Variants in GCNT2 observed in about 807,000 individuals in gnomAD.
GCNT2 encodes the protein N-acetyllactosaminide beta-1,6-N-acetylglucosaminyl-transferase.
In GCNT2, 34 loss-of-function variants were observed where a neutral mutation model predicts 34.2. That is an observed-to-expected ratio of 1.00 (90% confidence interval 0.76 to 1.32). GCNT2 has a LOEUF of 1.32. Among genes scored for constraint, GCNT2 ranks in the 40% most tolerant of loss-of-function variants. The pLI, the probability that GCNT2 is intolerant of heterozygous loss-of-function variation, is 0.00. For missense variants in GCNT2, 584 were observed against 489.4 expected, an observed-to-expected ratio of 1.19 and a Z score of -1.82; for synonymous variants, 212 against 188.0, an observed-to-expected ratio of 1.13 and a Z score of -1.04.
At chr6:10,523,652 G>C (rs1761034296) in intron 1 of GCNT2, among the ~76,000 whole-genome samples, 1 of 151,936 alleles carries the variant, frequency 6.6e-6, no homozygotes, top group African/African-American at 2.4e-5. Flanking sequence ...GCATGGCCTG[G>C]AGATTGCTGT....
chr6:10,562,850 T>A (rs1427220393), intron 3 of GCNT2, among the ~76,000 whole-genome samples: 3 of 152,056 alleles, frequency 2.0e-5, no homozygotes, highest in Non-Finnish European at 2.9e-5. Context: ...ACAGGCCCAC[T>A]GCAGGACACC....
intron 3 of GCNT2, among the ~76,000 whole-genome samples, chr6:10,605,728 A>G (rs1046340218): frequency 1.3e-5 from 2 of 152,144 alleles, no homozygotes; most frequent in African/African-American, 4.8e-5. Flanking sequence ...CTTGGCCCTC[A>G]TTTATTCCCT....
At chr6:10,525,793 A>T (rs1761153534) in intron 1 of GCNT2, among the ~76,000 whole-genome samples, 1 of 152,206 alleles carries the variant, frequency 6.6e-6, no homozygotes, top group South Asian at 2.1e-4. Context: ...AGAGCACAAA[A>T]TACAAGTGTT....
chr6:10,591,201 C>T (rs559342269), intron 3 of GCNT2, among the ~76,000 whole-genome samples: 34 of 152,206 alleles, frequency 2.2e-4, no homozygotes, highest in Non-Finnish European at 3.8e-4. Flanking sequence ...CACCACTACT[C>T]CTACGCTGCA....
At chr6:10,553,322 T>G (rs1244369515) in intron 3 of GCNT2, among the ~76,000 whole-genome samples, 3 of 152,164 alleles carry the variant, frequency 2.0e-5, no homozygotes, top group Non-Finnish European at 4.4e-5. Flanking sequence ...TAGTGCCTCA[T>G]GCAAGGTCTT....
chr6:10,537,823 A>C (rs1761844362), intron 3 of GCNT2, among the ~76,000 whole-genome samples: 1 of 151,932 alleles, frequency 6.6e-6, no homozygotes, highest in African/African-American at 2.4e-5. Context: ...CAGAACACTT[A>C]CATTGTTAGC....
At chr6:10,575,392 A>C in intron 3 of GCNT2, among the ~76,000 whole-genome samples, 1 of 132,564 alleles carries the variant, frequency 7.5e-6, no homozygotes, top group Non-Finnish European at 1.6e-5. Flanking sequence ...ATGGAGTTTC[A>C]CTCTTGTCCT....
At position 10,573,318 on chromosome 6, in the gene GCNT2, A is replaced by G. The variant is rs559513383; in HGVS notation, c.925+43482A>G. 9.2e-5 allele frequency: 90 copies of G among 978,862 alleles called. No individual in the cohort carries two copies. In the African/African-American group the frequency reaches 1.6e-3, roughly 17 times the overall value. The allele number at this position is 978,862 out of a possible 1,614,324, so 60.6% of individuals were successfully genotyped here. On this transcript the variant is annotated intron_variant, in intron 3 of 4. Transcript: ENST00000495262. ...TGTTCCTTGAAACTTAACAGAATAT[A>G]GTCAAAGATAAAGTTTTCATTTGTG...
At chr6:10,563,766 AAAAAAAAAAAAATATATATAT>A (rs1274965274) in intron 3 of GCNT2, among the ~76,000 whole-genome samples, 5 of 69,830 alleles carry the variant, frequency 7.2e-5, no homozygotes, top group African/African-American at 3.2e-4. Context: ...GAAAAAAAAA[AAAAAAAAAAAAATATATATAT>A]ATATATATAT....
At chr6:10,548,284 G>T (rs1226003) in intron 3 of GCNT2, among the ~76,000 whole-genome samples, 60,125 of 152,104 alleles carry the variant, frequency 0.4, 13,193 homozygotes, top group African/African-American at 0.61. Context: ...GTTCTCCTTA[G>T]GTCAAAGGAT....
At position 10,627,933 on chromosome 6, in the gene GCNT2, T is replaced by TAA. The variant is rs1263538344; in HGVS notation, c.*1327_*1328insAA. 6.6e-6 allele frequency: 1 copy of TAA among 152,634 alleles called. No homozygotes were observed. Among genetic ancestry groups the TAA allele is most frequent in the Non-Finnish European group, 1.5e-5 (1 of 68,032 alleles). 9.5% of individuals were successfully genotyped at this position (152,634 alleles called of 1,614,324 possible). ...TGTTCCAGCCATTCTGGTATTCCTTTATGTATCTAATTTCATTCAAACCTC... is the reference window on the plus strand; with the variant it reads ...TGTTCCAGCCATTCTGGTATTCCTTTAAATGTATCTAATTTCATTCAAACCTC... On this transcript the variant is annotated 3_prime_UTR_variant, in exon 5 of 5. Transcript: ENST00000495262.
rs368684627 is a variant in GCNT2 at position 10,564,910 on chromosome 6, AATAGT to A, written c.925+35076_925+35080del. Among the ~76,000 whole-genome samples the A allele has an allele frequency of 3.1e-3, 470 of 152,282 alleles. 3 individuals are homozygous for A. Among genetic ancestry groups the A allele is most frequent in the African/African-American group, 0.011 (447 of 41,552 alleles). On this transcript the variant is annotated intron_variant, in intron 3 of 4. Coordinates refer to ENST00000495262, the MANE Select transcript of GCNT2 (RefSeq NM_145649.5). ...TTTTAGAAGGAAGAGACAGCCAATA[AATAGT>A]AGAGAGAGAGAAGCCAGATCATTAG...
chr6:10,595,064 A>C (rs1764793840), intron 3 of GCNT2, among the ~76,000 whole-genome samples: 1 of 152,082 alleles, frequency 6.6e-6, no homozygotes, highest in Non-Finnish European at 1.5e-5. Flanking sequence ...AGACTGGGAT[A>C]TCTGTTCTTG....
intron 4 of GCNT2, 87 bp downstream of exon 4, chr6:10,621,530 A>G: frequency 1.2e-6 from 1 of 819,458 alleles, no homozygotes; most frequent in Non-Finnish European, 2.1e-6. Context: ...TCATGGAGAG[A>G]GAATTGCTGC....
intron 3 of GCNT2, among the ~76,000 whole-genome samples, chr6:10,539,427 G>A (rs1224980585): frequency 1.3e-5 from 2 of 151,780 alleles, no homozygotes; most frequent in Admixed American, 6.6e-5. Context: ...GACCTCAGGC[G>A]ATCCGCCCAC....
At chr6:10,582,521 T>TATCATATATAA (rs1389501677) in intron 3 of GCNT2, among the ~76,000 whole-genome samples, 6 of 122,356 alleles carry the variant, frequency 4.9e-5, no homozygotes, top group Non-Finnish European at 7.9e-5. Context: ...ATATATTATA[T>TATCATATATAA]TATACATCAT....
intron 3 of GCNT2, chr6:10,574,771 G>C (rs1322618392): frequency 1.5e-5 from 9 of 592,044 alleles, no homozygotes; most frequent in Admixed American, 1.1e-4. Context: ...GTAGGGAAGA[G>C]GTTCCAGCAG....
chr6:10,522,469 A>G (rs950572968), intron 1 of GCNT2, among the ~76,000 whole-genome samples: 1 of 152,154 alleles, frequency 6.6e-6, no homozygotes, highest in Non-Finnish European at 1.5e-5. Flanking sequence ...TGCACCTGGT[A>G]GTAGATTGGC....
At position 10,529,976 on chromosome 6, in the gene GCNT2, TGTAAAATG is replaced by T. The variant is rs1188900164; in HGVS notation, c.925+150_925+157del. On this transcript the variant is annotated intron_variant, in intron 3 of 4. Coordinates refer to ENST00000495262, the MANE Select transcript of GCNT2 (RefSeq NM_145649.5). Reference sequence around the variant, plus strand: ...GTCAAATTAAAAAAAAAATTTCATCTGTAAAATGGTAAAATGGAGATGTGTTATATCAC... The same window carrying T: ...GTCAAATTAAAAAAAAAATTTCATCTGTAAAATGGAGATGTGTTATATCAC... 16 of 715,300 alleles carry T rather than the reference TGTAAAATG, an allele frequency of 2.2e-5. 1 individual carries two copies. The highest frequency in any genetic ancestry group is 2.6e-4 in the Middle Eastern group (1 of 3,834). The allele number at this position is 715,300 out of a possible 1,614,324, so 44.3% of individuals were successfully genotyped here. A position where few individuals can be genotyped will look rare whatever the true frequency, so the allele number is the denominator to read the frequency against.
Sources: allele counts gnomAD v4.1 joint callset (sites outside exome capture counted in the v4.1 genomes callset), GRCh38; gene constraint gnomAD v4.1.1; transcripts MANE v1.5; gene names NCBI Gene and HGNC (gene_info 2026-07-23, HGNC 2026-07-21).